The following RBM28 variants were observed in gnomAD, a reference collection of about 807,000 sequenced individuals.
RBM28 encodes the protein RNA-binding protein 28.
Under a neutral mutation model 98.3 loss-of-function variants are expected in RBM28, and 78 were observed. The ratio of observed to expected loss-of-function variants is 0.79; its 90% CI spans 0.66 to 0.96. The LOEUF is 0.96. RBM28 is among the 40% of genes least tolerant of loss of function. RBM28 has a pLI of 0.00. For synonymous variants in RBM28, 306 were observed against 330.9 expected (o/e 0.92, Z 0.82); for missense variants, 838 against 913.0 (o/e 0.92, Z 1.06).
rs1370228285 is a variant in RBM28 at position 128,317,989 on chromosome 7, T to C, written c.1681A>G (p.Asn561Asp). 6.2e-7 allele frequency: 1 copy of C among 1,614,198 alleles called. No homozygotes were observed. ...GGCCCAAAGATTTCTGGATTGTTGT[T>C]GATGAGGCGGAGGGCTTTCAGGGCA... ...EHALKALRLI[N>D]NNPEIFGPLK... The change falls in exon 15 of 19, where the codon AAC becomes GAC. Residue 561 changes from asparagine to aspartate, a missense_variant. Coordinates refer to ENST00000223073, the MANE Select transcript of RBM28 (RefSeq NM_018077.3).
At chr7:128,329,477 T>C (rs1292485579) in intron 10 of RBM28, among the ~76,000 whole-genome samples, 2 of 152,160 alleles carry the variant, frequency 1.3e-5, no homozygotes, top group Non-Finnish European at 2.9e-5. Flanking sequence ...AGGCTTAGAA[T>C]GGAGGTAGGT....
At position 128,309,629 on chromosome 7, in the gene RBM28, T is replaced by A; in HGVS notation, c.*1168A>T. 1 of 127,192 alleles carries A rather than the reference T, an allele frequency of 7.9e-6. No individual in the cohort carries two copies. Among genetic ancestry groups the A allele is most frequent in the Admixed American group, 8.9e-5 (1 of 11,256 alleles). 7.9% of individuals were successfully genotyped at this position (127,192 alleles called of 1,614,324 possible). Reference sequence around the variant, plus strand: ...GCCTGGGCGACAGAGTGAGACTCCATCTCAAAAAAAAAAAAAAAAGAAGAA... The same window carrying A: ...GCCTGGGCGACAGAGTGAGACTCCAACTCAAAAAAAAAAAAAAAAGAAGAA... On this transcript the variant is annotated 3_prime_UTR_variant, in exon 19 of 19. Transcript: ENST00000223073.
Position 128,321,772 on chromosome 7 carries a change from G to A in RBM28, c.1405-348C>T, listed in dbSNP as rs141313249. Among the ~76,000 whole-genome samples the A allele has an allele frequency of 4.8e-3, 724 of 152,324 alleles. 4 individuals are homozygous for A. The highest frequency in any genetic ancestry group is 0.016 in the African/African-American group (684 of 41,564). Reference sequence around the variant, plus strand: ...CCAAAATGAGATAATATAAGGCTGGGCAGGGTGGCTCATGCCTGTAATCCG... The same window carrying A: ...CCAAAATGAGATAATATAAGGCTGGACAGGGTGGCTCATGCCTGTAATCCG... On this transcript the variant is annotated intron_variant, in intron 13 of 18. Coordinates refer to ENST00000223073, the MANE Select transcript of RBM28 (RefSeq NM_018077.3).
chr7:128,331,031 C>A lies in RBM28; in HGVS notation c.1020-103G>T. Reference sequence around the variant, plus strand: ...AGTTAGATATCAACTCTCCCTTGTTCAGAAATAGCACTAATACATAGGGAT... The same window carrying A: ...AGTTAGATATCAACTCTCCCTTGTTAAGAAATAGCACTAATACATAGGGAT... On this transcript the variant is annotated intron_variant, in intron 9 of 18. Transcript: ENST00000223073. 3.7e-6 allele frequency: 3 copies of A among 804,766 alleles called. No individual in the cohort carries two copies. In the South Asian group the frequency reaches 4.2e-5, roughly 11 times the overall value. 49.9% of individuals were successfully genotyped at this position (804,766 alleles called of 1,614,324 possible).
At chr7:128,331,046 T>TA (rs1233776095) in intron 9 of RBM28, 118 bp from the exon 10 acceptor site, 2 of 740,002 alleles carry the variant, frequency 2.7e-6, no homozygotes, top group African/African-American at 3.5e-5. Context: ...ATAGCACTAA[T>TA]ACATAGGGAT....
intron 1 of RBM28, 137 bp from the exon 2 acceptor site, chr7:128,339,928 G>T: frequency 9.5e-7 from 1 of 1,055,042 alleles, no homozygotes; most frequent in Non-Finnish European, 1.4e-6. Context: ...CTATCAGTTT[G>T]CCAAAAGTCT....
chr7:128,335,044 A>C (rs1160705066), intron 8 of RBM28, among the ~76,000 whole-genome samples: 1 of 152,244 alleles, frequency 6.6e-6, no homozygotes, highest in Non-Finnish European at 1.5e-5. Context: ...TAGAGCTGTG[A>C]GAAAATAAGT....
intron 13 of RBM28, among the ~76,000 whole-genome samples, chr7:128,322,671 A>T (rs1411167403): frequency 6.6e-6 from 1 of 152,174 alleles, no homozygotes; most frequent in Non-Finnish European, 1.5e-5. Context: ...TCATTATTGC[A>T]CTGTGATCAG....
At chr7:128,317,369 C>T (rs185943520) in intron 16 of RBM28, among the ~76,000 whole-genome samples, 5 of 152,294 alleles carry the variant, frequency 3.3e-5, no homozygotes, top group Admixed American at 1.3e-4. Flanking sequence ...ACCTTAACCT[C>T]AACCATTAAT....
chr7:128,301,056 A>G lies in RBM28; in HGVS notation c.*9741T>C, dbSNP rs937328620. 2.9e-4 allele frequency: 44 copies of G among 152,338 alleles called. No individual in the cohort carries two copies. The highest frequency in any genetic ancestry group is 1.0e-3 in the African/African-American group (42 of 41,568). 9.4% of individuals were successfully genotyped at this position (152,338 alleles called of 1,614,324 possible). A position where few individuals can be genotyped will look rare whatever the true frequency, so the allele number is the denominator to read the frequency against. ...GGTGGGGCCAGCACCACCTGAGGAC[A>G]TGTAGCCTTCCCAGGATTCTGGCGT... On this transcript the variant is annotated 3_prime_UTR_variant, in exon 19 of 19. Transcript: ENST00000223073.
At position 128,312,982 on chromosome 7, in the gene RBM28, C is replaced by T. The variant is rs1013882322; in HGVS notation, c.2145+193G>A. On this transcript the variant is annotated intron_variant, in intron 18 of 18. Transcript: ENST00000223073. ...CAAGGAGACTGCTGAAACACAGGAA[C>T]AGATACGTGGAGGTTCATTTTACTT... 4.9e-6 allele frequency: 3 copies of T among 614,048 alleles called. No individual in the cohort carries two copies. The Admixed American group carries it at 8.4e-5, about 17-fold the overall frequency. The allele number at this position is 614,048 out of a possible 1,614,324, so 38.0% of individuals were successfully genotyped here.
chr7:128,322,326 G>C (rs993676277), intron 13 of RBM28, among the ~76,000 whole-genome samples: 1 of 152,144 alleles, frequency 6.6e-6, no homozygotes, highest in African/African-American at 2.4e-5. Flanking sequence ...CAGTTCCTGC[G>C]TGATCTGTGT....
intron 18 of RBM28, chr7:128,312,946 A>C: frequency 1.8e-6 from 1 of 565,276 alleles, no homozygotes; most frequent in South Asian, 2.0e-5. Flanking sequence ...TGTTATGGGG[A>C]ATATGTAAAA....
rs1350187645 is a variant in RBM28 at position 128,318,011 on chromosome 7, G to C, written c.1659C>G (p.Ala553=). The part of the protein sequence containing the change: ...AFAEFQEHEH[A]LKALRLINNN... ...TGTTGATGAGGCGGAGGGCTTTCAG[G>C]GCATGCTCGTGCTCTTGGAACTCCG... Residue 553 remains alanine (A), a synonymous_variant, in exon 15 of 19, where the codon GCC becomes GCG. Transcript: ENST00000223073. 6.8e-6 allele frequency: 11 copies of C among 1,614,178 alleles called. No individual in the cohort carries two copies. The highest frequency in any genetic ancestry group is 9.3e-6 in the Non-Finnish European group (11 of 1,180,034).
chr7:128,343,907 G>C lies in RBM28; in HGVS notation c.-114C>G. On this transcript the variant is annotated 5_prime_UTR_variant, in exon 1 of 19. Transcript: ENST00000223073. ...GCTCACACGCCGAGAGATTCCGGAA[G>C]TGCTCGTTGCCCAAAAGAGACCGGA... 3 of 667,890 alleles carry C rather than the reference G, an allele frequency of 4.5e-6. No homozygotes were observed. The highest frequency in any genetic ancestry group is 4.9e-6 in the Non-Finnish European group (2 of 410,272). 41.4% of individuals were successfully genotyped at this position (667,890 alleles called of 1,614,324 possible). A position where few individuals can be genotyped will look rare whatever the true frequency, so the allele number is the denominator to read the frequency against.
intron 1 of RBM28, 134 bp downstream of exon 1, chr7:128,343,542 A>T: frequency 1.6e-6 from 1 of 615,984 alleles, no homozygotes; most frequent in Non-Finnish European, 2.8e-6. Context: ...AAGCAGAATC[A>T]GTTTGGAAAA....
At chr7:128,332,464 G>C (rs10249963) in intron 9 of RBM28, among the ~76,000 whole-genome samples, 4 of 151,348 alleles carry the variant, frequency 2.6e-5, no homozygotes, top group African/African-American at 9.7e-5. Context: ...AGTGATTCTC[G>C]TGCCTCAGGC....
At chr7:128,336,770 T>C (rs1464687781) in intron 6 of RBM28, among the ~76,000 whole-genome samples, 1 of 152,244 alleles carries the variant, frequency 6.6e-6, no homozygotes, top group Admixed American at 6.5e-5. Flanking sequence ...CACTTTTTTT[T>C]TGAGACGAAG....
intron 17 of RBM28, among the ~76,000 whole-genome samples, chr7:128,313,477 T>A (rs1010937030): frequency 6.6e-6 from 1 of 152,106 alleles, no homozygotes; most frequent in Admixed American, 6.6e-5. Flanking sequence ...CTATGCAACA[T>A]AGCAATCCCC....
Sources: gnomAD v4.1 joint callset for allele counts (sites outside exome capture counted in the v4.1 genomes callset) on GRCh38, gnomAD v4.1.1 for gene constraint, MANE v1.5 for transcripts, NCBI Gene and HGNC (gene_info 2026-07-23, HGNC 2026-07-21) for gene names.